Variants in STOX1 observed in about 807,000 individuals in gnomAD.
STOX1 encodes storkhead-box protein 1.
Under a neutral mutation model 74.8 loss-of-function variants are expected in STOX1, and 57 were observed. That is an observed-to-expected ratio of 0.76 (90% CI 0.62 to 0.95). The LOEUF (loss-of-function observed/expected upper bound fraction) is 0.95, where lower values mean the gene tolerates loss of function less well. Ranked by LOEUF, STOX1 falls within the 40% of genes least tolerant of loss-of-function variation. The pLI is 0.00. For missense variants in STOX1, 1,010 were observed against 1,117.0 expected, an observed-to-expected ratio of 0.90 and a Z score of 1.37; for synonymous variants, 375 against 401.3, an observed-to-expected ratio of 0.93 and a Z score of 0.78.
rs762916861 is a variant in STOX1, at chr10:68,884,425, A to C, written c.629A>C (p.Glu210Ala). ...QENKRMLPSD[E>A]SRLMPASMTY... The stretch of plus-strand genomic sequence containing the variant: ...AATAAGAGAATGCTGCCATCAGATG[A>C]AAGTCGCCTGATGCCAGCTTCCATG... Residue 210 changes from glutamate (E) to alanine (A), a missense_variant, in exon 3 of 4, where the codon GAA becomes GCA. Glu to Ala is a moderately radical substitution (Grantham distance 107). Coordinates refer to ENST00000298596, the MANE Select transcript of STOX1 (RefSeq NM_152709.5). The C allele has an allele frequency of 6.2e-7, 1 of 1,614,070 alleles. No individual in the cohort carries two copies. Among genetic ancestry groups the C allele is most frequent in the Non-Finnish European group, 8.5e-7 (1 of 1,180,030 alleles).
intron 1 of STOX1, among the ~76,000 whole-genome samples, chr10:68,880,650 G>C (rs1303946739): frequency 6.6e-6 from 1 of 151,726 alleles, no homozygotes. Context: ...CTCTTTTGTG[G>C]GTTCCTAATT....
chr10:68,869,779 A>G (rs909953010), intron 1 of STOX1, among the ~76,000 whole-genome samples: 5 of 152,222 alleles, frequency 3.3e-5, no homozygotes, highest in African/African-American at 1.2e-4. Context: ...GCCTTTCACA[A>G]TACCACTGTG....
intron 1 of STOX1, among the ~76,000 whole-genome samples, chr10:68,869,599 CT>C (rs1840490932): frequency 1.3e-5 from 2 of 152,122 alleles, no homozygotes; most frequent in African/African-American, 4.8e-5. Context: ...TGGACAGATA[CT>C]GACTATTCAG....
intron 1 of STOX1, among the ~76,000 whole-genome samples, chr10:68,833,847 A>G (rs1005665439): frequency 3.9e-5 from 6 of 152,224 alleles, no homozygotes; most frequent in African/African-American, 1.4e-4. Flanking sequence ...GGCGTGAGCC[A>G]TTGCACCCGG....
chr10:68,869,645 T>C (rs1840491755), intron 1 of STOX1, among the ~76,000 whole-genome samples: 1 of 152,202 alleles, frequency 6.6e-6, no homozygotes, highest in African/African-American at 2.4e-5. Context: ...AAGTCACAGC[T>C]GAAGGTACAG....
intron 1 of STOX1, among the ~76,000 whole-genome samples, chr10:68,862,348 G>T (rs2133562276): frequency 6.6e-6 from 1 of 152,146 alleles, no homozygotes; most frequent in East Asian, 1.9e-4. Flanking sequence ...ATTAGTATTA[G>T]AGGTCACACA....
chr10:68,868,794 A>G (rs1840467554), intron 1 of STOX1, among the ~76,000 whole-genome samples: 2 of 152,248 alleles, frequency 1.3e-5, no homozygotes, highest in Admixed American at 1.3e-4. Flanking sequence ...TGATCAAGTT[A>G]ATATCTTAAT....
chr10:68,853,771 C>T (rs1178591874), intron 1 of STOX1, among the ~76,000 whole-genome samples: 4 of 151,660 alleles, frequency 2.6e-5, no homozygotes, highest in Admixed American at 1.3e-4. Flanking sequence ...CTGCAACCTC[C>T]GCCTCCTGGG....
At chr10:68,837,975 C>G (rs368761727) in intron 1 of STOX1, among the ~76,000 whole-genome samples, 2 of 151,550 alleles carry the variant, frequency 1.3e-5, no homozygotes, top group Non-Finnish European at 2.9e-5. Context: ...GTATGCCTGT[C>G]TTTCACCTCC....
intron 1 of STOX1, among the ~76,000 whole-genome samples, chr10:68,845,072 T>C (rs985775705): frequency 5.9e-5 from 9 of 152,008 alleles, no homozygotes; most frequent in Admixed American, 5.9e-4. Flanking sequence ...CAGCTTGTCT[T>C]TTTAATTTCT....
chr10:68,837,813 G>C (rs1232573524), intron 1 of STOX1, among the ~76,000 whole-genome samples: 1 of 152,158 alleles, frequency 6.6e-6, no homozygotes, highest in Non-Finnish European at 1.5e-5. Flanking sequence ...TAGGTATTCT[G>C]CCTGCCCTTT....
At chr10:68,852,277 A>T (rs992875527) in intron 1 of STOX1, among the ~76,000 whole-genome samples, 2 of 96,182 alleles carry the variant, frequency 2.1e-5, no homozygotes, top group South Asian at 3.6e-4. Flanking sequence ...TTTGAGACGG[A>T]GTCTCGCTCT....
At chr10:68,851,912 TC>T (rs1839995719) in intron 1 of STOX1, among the ~76,000 whole-genome samples, 1 of 152,130 alleles carries the variant, frequency 6.6e-6, no homozygotes, top group South Asian at 2.1e-4. Flanking sequence ...GGCGGGCAGA[TC>T]ACCTGAGTTC....
intron 3 of STOX1, among the ~76,000 whole-genome samples, chr10:68,890,649 CTTT>C (rs11366165): frequency 1.7e-5 from 2 of 117,368 alleles, no homozygotes; most frequent in Non-Finnish European, 1.7e-5. Context: ...AAGACCTTTT[CTTT>C]TTTTTTTTTT....
At chr10:68,864,956 C>T (rs955640543) in intron 1 of STOX1, among the ~76,000 whole-genome samples, 1 of 152,162 alleles carries the variant, frequency 6.6e-6, no homozygotes, top group Non-Finnish European at 1.5e-5. Context: ...TTTTGTGGCA[C>T]TATTGTAGTG....
chr10:68,870,433 C>T (rs148834524), intron 1 of STOX1, among the ~76,000 whole-genome samples: 302 of 152,312 alleles, frequency 2.0e-3, no homozygotes, highest in Non-Finnish European at 3.2e-3. Context: ...ATAGCTATTC[C>T]TTGCCCCCAA....
chr10:68,892,213 T>G (rs1386055615), intron 3 of STOX1, among the ~76,000 whole-genome samples: 1 of 152,138 alleles, frequency 6.6e-6, no homozygotes, highest in Non-Finnish European at 1.5e-5. Context: ...ATATAATAAT[T>G]TGCTTTTCTC....
At chr10:68,831,908 T>C (rs908926683) in intron 1 of STOX1, among the ~76,000 whole-genome samples, 1 of 149,446 alleles carries the variant, frequency 6.7e-6, no homozygotes, top group African/African-American at 2.5e-5. Flanking sequence ...AGTCCTCAAA[T>C]GTTGTATTTT....
chr10:68,848,699 C>G (rs748084147), intron 1 of STOX1, among the ~76,000 whole-genome samples: 7 of 152,142 alleles, frequency 4.6e-5, no homozygotes, highest in Admixed American at 1.3e-4. Context: ...CAGTCTCACT[C>G]TGTCTCCCAG....
Sources: allele counts gnomAD v4.1 joint callset (sites outside exome capture counted in the v4.1 genomes callset), GRCh38; gene constraint gnomAD v4.1.1; transcripts MANE v1.5; gene names NCBI Gene and HGNC (gene_info 2026-07-23, HGNC 2026-07-21).